Variants in POLR3A observed in about 807,000 individuals in gnomAD.
POLR3A encodes the protein RNA polymerase III subunit A, also known as DNA-directed RNA polymerase III subunit RPC1.
In POLR3A, 112 loss-of-function variants were observed where a neutral mutation model predicts 152.8. That is an observed-to-expected ratio of 0.73 (90% CI 0.63 to 0.86). POLR3A has a LOEUF of 0.86. Among genes scored for constraint, POLR3A ranks in the 40% least tolerant of loss-of-function variants. The pLI, the probability that POLR3A is intolerant of heterozygous loss-of-function variation, is 0.00. For synonymous variants in POLR3A, 615 were observed against 652.1 expected (o/e 0.94, Z 0.87); for missense variants, 1,385 against 1,743.1 (o/e 0.79, Z 3.66).
At chr10:78,003,314 C>G (rs1847374928) in intron 16 of POLR3A, among the ~76,000 whole-genome samples, 1 of 152,192 alleles carries the variant, frequency 6.6e-6, no homozygotes, top group Non-Finnish European at 1.5e-5. Context: ...TTTCTCCCTG[C>G]TTTAGAAAAT....
intron 26 of POLR3A, among the ~76,000 whole-genome samples, chr10:77,983,603 C>T (rs149342520): frequency 1.3e-5 from 2 of 152,282 alleles, no homozygotes; most frequent in Non-Finnish European, 2.9e-5. Context: ...TAAGACACAG[C>T]CAGCCCTAGG....
At position 78,004,896 on chromosome 10, in the gene POLR3A, GT is replaced by G; in HGVS notation, c.2075-9del. 6.2e-7 allele frequency: 1 copy of G among 1,613,686 alleles called. No individual in the cohort carries two copies. Among genetic ancestry groups the G allele is most frequent in the South Asian group, 1.1e-5 (1 of 91,062 alleles). On this transcript the variant is annotated splice_polypyrimidine_tract_variant and intron_variant, in intron 15 of 30. Transcript: ENST00000372371. ...TTGAGAAACCACGGTTAGCTGTTGA[GT>G]TGGTAGAGCAGGAAGAAAGGGCCAT...
intron 5 of POLR3A, among the ~76,000 whole-genome samples, chr10:78,024,146 C>A (rs1440555543): frequency 6.6e-6 from 1 of 151,998 alleles, no homozygotes; most frequent in African/African-American, 2.4e-5. Flanking sequence ...ACTGGATCAC[C>A]TGTGGTCAGG....
intron 27 of POLR3A, 76 bp from the exon 28 acceptor site, chr10:77,982,394 T>A (rs1189793485): frequency 1.4e-6 from 2 of 1,395,724 alleles, no homozygotes; most frequent in Non-Finnish European, 2.0e-6. Context: ...TCACCCCAGC[T>A]TTCAGCAGTG....
intron 19 of POLR3A, among the ~76,000 whole-genome samples, chr10:77,996,311 C>T (rs1847299971): frequency 1.3e-5 from 2 of 152,088 alleles, no homozygotes; most frequent in South Asian, 4.1e-4. Context: ...TAACTAAGAT[C>T]AGAGCAGAAC....
intron 14 of POLR3A, 114 bp downstream of exon 14, chr10:78,009,423 C>T: frequency 6.9e-7 from 1 of 1,450,748 alleles, no homozygotes. Context: ...CCACCTAAGG[C>T]TTACAGAAAC....
intron 9 of POLR3A, among the ~76,000 whole-genome samples, chr10:78,018,765 T>C (rs1425635429): frequency 6.6e-6 from 1 of 152,076 alleles, no homozygotes; most frequent in Non-Finnish European, 1.5e-5. Context: ...GTATTTTTAG[T>C]AGAAAAGGGG....
chr10:78,008,108 A>G (rs1847428951), intron 14 of POLR3A, among the ~76,000 whole-genome samples: 1 of 151,970 alleles, frequency 6.6e-6, no homozygotes, highest in African/African-American at 2.4e-5. Context: ...ATACCAGTTG[A>G]CCCTCACTCT....
At chr10:78,024,891 C>G in intron 4 of POLR3A, 80 bp downstream of exon 4, 1 of 1,550,472 alleles carries the variant, frequency 6.4e-7, no homozygotes, top group Admixed American at 1.7e-5. Flanking sequence ...GACTCCCGAA[C>G]ATTATGTAAA....
In POLR3A at chr10:77,991,069, C is replaced by T. The variant is rs1378719479; in HGVS notation, c.2886G>A (p.Gln962=). ...CAGAGCTCACCTGCAGGAAGCTGTC[C>T]TGGCAGCAGAGGAACTCACTCTTCT... ...IMKKSEFLCC[Q]DSFLQEIKKF... Residue 962 remains glutamine (Q), a synonymous_variant, in exon 21 of 31, where the codon CAG becomes CAA. Coordinates refer to ENST00000372371, the MANE Select transcript of POLR3A (RefSeq NM_007055.4). The T allele has an allele frequency of 4.4e-6, 7 of 1,606,978 alleles. No homozygotes were observed. The highest frequency in any genetic ancestry group is 3.3e-5 in the Admixed American group (2 of 59,990).
chr10:78,009,766 C>T, intron 13 of POLR3A, 91 bp from the exon 14 acceptor site: 1 of 1,610,914 alleles, frequency 6.2e-7, no homozygotes, highest in Non-Finnish European at 8.5e-7. Flanking sequence ...AGGGACTGCA[C>T]TCAAGCCTAG....
intron 17 of POLR3A, among the ~76,000 whole-genome samples, chr10:78,001,418 G>A (rs1240994826): frequency 6.6e-6 from 1 of 152,096 alleles, no homozygotes; most frequent in African/African-American, 2.4e-5. Context: ...GGGAGAGGGG[G>A]AGGAATTCCA....
At chr10:78,006,342 A>C (rs1403974121) in intron 15 of POLR3A, among the ~76,000 whole-genome samples, 2 of 138,924 alleles carry the variant, frequency 1.4e-5, no homozygotes, top group Non-Finnish European at 3.0e-5. Flanking sequence ...GGTTGCAGCG[A>C]GCTGAGATTG....
rs1471968444 is a variant in POLR3A, at chr10:78,025,682, G to A, written c.258C>T (p.Ile86=). 17 of 1,613,714 alleles carry A rather than the reference G, an allele frequency of 1.1e-5. No individual in the cohort carries two copies. The highest frequency in any genetic ancestry group is 2.7e-5 in the African/African-American group (2 of 74,854). The change falls in exon 3 of 31, where the codon ATC becomes ATT. Residue 86 remains isoleucine (I), a synonymous_variant. Coordinates refer to ENST00000372371, the MANE Select transcript of POLR3A (RefSeq NM_007055.4). The stretch of plus-strand genomic sequence containing the variant: ...CATGAAAACACGGCAACTCCAGGTC[G>A]ATATACCCATAGTGGCCTAGACAGT... ...LADCLGHYGY[I]DLELPCFHVG...
intron 28 of POLR3A, 138 bp from the exon 29 acceptor site, chr10:77,981,697 G>T (rs1847144172): frequency 1.9e-6 from 2 of 1,050,622 alleles, no homozygotes; most frequent in African/African-American, 3.1e-5. Context: ...GCAATTTTCA[G>T]TTGCAGACCC....
chr10:77,988,099 T>C (rs1023047867), intron 21 of POLR3A, among the ~76,000 whole-genome samples: 43 of 152,352 alleles, frequency 2.8e-4, no homozygotes, highest in Non-Finnish European at 2.4e-4. Flanking sequence ...TCAGTTCCCA[T>C]GAATACTGCT....
intron 24 of POLR3A, 66 bp downstream of exon 24, chr10:77,985,104 G>A: frequency 3.1e-6 from 4 of 1,293,642 alleles, no homozygotes; most frequent in Non-Finnish European, 4.5e-6. Context: ...ATGTGACACG[G>A]GGATCATTGT....
chr10:78,024,526 C>T, intron 5 of POLR3A, 23 bp downstream of exon 5: 2 of 1,611,478 alleles, frequency 1.2e-6, no homozygotes, highest in East Asian at 2.2e-5. Context: ...AGGCGGAAGG[C>T]AGGCGTGCAT....
intron 25 of POLR3A, 43 bp from the exon 26 acceptor site, chr10:77,984,055 C>A: frequency 1.4e-6 from 2 of 1,447,448 alleles, no homozygotes; most frequent in East Asian, 2.3e-5. Flanking sequence ...CCGCTTTCCC[C>A]TTTCCTAAGA....
Sources: gnomAD v4.1 joint callset for allele counts (sites outside exome capture counted in the v4.1 genomes callset) on GRCh38, gnomAD v4.1.1 for gene constraint, MANE v1.5 for transcripts, NCBI Gene and HGNC (gene_info 2026-07-23, HGNC 2026-07-21) for gene names.